The following AGBL4 variants were observed in gnomAD, a reference collection of about 807,000 sequenced individuals.
AGBL4 encodes the protein AGBL carboxypeptidase 4.
AGBL4 carries 58 observed loss-of-function variants against 66.4 expected under a neutral mutation model. That is an observed-to-expected ratio of 0.87 (90% CI 0.71 to 1.09). The LOEUF is 1.09. Among genes scored for constraint, AGBL4 ranks in the 50% least tolerant of loss-of-function variants. The pLI is 0.00. For missense variants in AGBL4, 579 were observed against 631.0 expected (o/e 0.92, Z 0.88); for synonymous variants, 234 against 222.9 (o/e 1.05, Z -0.44).
chr1:48,547,546 T>C (rs937967471), intron 11 of AGBL4, among the ~76,000 whole-genome samples: 4 of 152,032 alleles, frequency 2.6e-5, no homozygotes, highest in African/African-American at 9.7e-5. Flanking sequence ...TCGGAGCATG[T>C]TGGGTTTGAG....
chr1:49,065,700 A>G (rs922807520), intron 4 of AGBL4, among the ~76,000 whole-genome samples: 2 of 152,252 alleles, frequency 1.3e-5, no homozygotes, highest in Admixed American at 1.3e-4. Flanking sequence ...CACCAAAGAA[A>G]GTTGATCTAG....
chr1:48,673,152 C>T (rs756392218), intron 6 of AGBL4, among the ~76,000 whole-genome samples: 1 of 152,174 alleles, frequency 6.6e-6, no homozygotes, highest in Non-Finnish European at 1.5e-5. Context: ...TATGTGCAGG[C>T]ACCTGCACAC....
chr1:49,081,506 G>A (rs1644807849), intron 4 of AGBL4, among the ~76,000 whole-genome samples: 1 of 152,180 alleles, frequency 6.6e-6, no homozygotes, highest in African/African-American at 2.4e-5. Flanking sequence ...GAAATAGGAG[G>A]TAATGTCTGT....
At chr1:49,373,857 G>C (rs1349998853) in intron 3 of AGBL4, among the ~76,000 whole-genome samples, 1 of 152,030 alleles carries the variant, frequency 6.6e-6, no homozygotes, top group Non-Finnish European at 1.5e-5. Context: ...ACATTTTTAA[G>C]GGTAGCCTAT....
intron 1 of AGBL4, among the ~76,000 whole-genome samples, chr1:49,941,793 A>T (rs924725097): frequency 1.3e-5 from 2 of 152,094 alleles, no homozygotes; most frequent in Non-Finnish European, 2.9e-5. Flanking sequence ...AACAGAGAAA[A>T]ATTGAAAGCT....
chr1:49,406,478 T>C (rs1320107816), intron 3 of AGBL4, among the ~76,000 whole-genome samples: 1 of 152,116 alleles, frequency 6.6e-6, no homozygotes. Context: ...ACAAAGAAAA[T>C]TGGCAGCAAT....
At chr1:49,354,386 T>C (rs1011687031) in intron 3 of AGBL4, among the ~76,000 whole-genome samples, 5 of 152,252 alleles carry the variant, frequency 3.3e-5, no homozygotes, top group African/African-American at 9.6e-5. Flanking sequence ...TTTGGCTTCA[T>C]GTCATTATAC....
intron 6 of AGBL4, chr1:48,776,908 GCGCGAGTCTCGCTAC>G: frequency 2.3e-6 from 2 of 884,206 alleles, no homozygotes; most frequent in Non-Finnish European, 3.3e-6. Flanking sequence ...CCGGCGGGGG[GCGCGAGTCTCGCTAC>G]GGTGCTGGGG....
At chr1:48,622,817 T>A (rs746501633) in intron 9 of AGBL4, among the ~76,000 whole-genome samples, 1 of 152,148 alleles carries the variant, frequency 6.6e-6, no homozygotes, top group Non-Finnish European at 1.5e-5. Context: ...AATAGTTAAA[T>A]TTTTTTGAGA....
rs145386658 is a variant in AGBL4, at chr1:49,643,064, G to A, written c.282+54249C>T. On this transcript the variant is annotated intron_variant, in intron 3 of 13. Transcript: ENST00000371839. ...AACCAGTTAACTCTTCCTCATATGC[G>A]CAAGAAGCTAAAAAAAGGTTGTACA... Among the ~76,000 whole-genome samples the A allele has an allele frequency of 4.1e-4, 63 of 151,944 alleles. No homozygotes were observed. The East Asian group carries it at 5.8e-3, about 14-fold the overall frequency.
chr1:48,767,301 C>A (rs1644578430), intron 6 of AGBL4, among the ~76,000 whole-genome samples: 1 of 152,138 alleles, frequency 6.6e-6, no homozygotes, highest in Admixed American at 6.5e-5. Flanking sequence ...GTAAAAGCAC[C>A]AAGCACAGTG....
intron 3 of AGBL4, among the ~76,000 whole-genome samples, chr1:49,392,273 T>C (rs1004432803): frequency 2.0e-5 from 3 of 152,222 alleles, no homozygotes; most frequent in Admixed American, 2.0e-4. Flanking sequence ...ACAGGGAACA[T>C]TTCCATTACT....
intron 3 of AGBL4, among the ~76,000 whole-genome samples, chr1:49,389,415 G>T (rs1350154936): frequency 6.6e-6 from 1 of 152,096 alleles, no homozygotes; most frequent in African/African-American, 2.4e-5. Context: ...CCATAGTCCT[G>T]AAAACTAAGT....
chr1:49,521,913 G>A (rs1000670312), intron 3 of AGBL4, among the ~76,000 whole-genome samples: 1 of 151,908 alleles, frequency 6.6e-6, no homozygotes, highest in Non-Finnish European at 1.5e-5. Flanking sequence ...ACTATTAGAG[G>A]GGGGAATGAG....
At chr1:49,696,384 G>A (rs1022204578) in intron 3 of AGBL4, among the ~76,000 whole-genome samples, 1 of 152,006 alleles carries the variant, frequency 6.6e-6, no homozygotes, top group African/African-American at 2.4e-5. Flanking sequence ...AAATGTAGCT[G>A]AAGAAATTAT....
At chr1:49,938,344 G>C (rs1233896647) in intron 1 of AGBL4, among the ~76,000 whole-genome samples, 3 of 152,284 alleles carry the variant, frequency 2.0e-5, no homozygotes, top group African/African-American at 7.2e-5. Flanking sequence ...TGAAATTGTG[G>C]CAATAATCAA....
chr1:49,993,450 C>A (rs1433890963), intron 1 of AGBL4, among the ~76,000 whole-genome samples: 1 of 152,288 alleles, frequency 6.6e-6, no homozygotes, highest in Admixed American at 6.5e-5. Flanking sequence ...AGACAGTATA[C>A]CTATTCTCCT....
Position 49,107,694 on chromosome 1 carries a change from T to TGAGAGAGA in AGBL4, c.378-61902_378-61895dup, listed in dbSNP as rs56321932. Reference sequence around the variant, plus strand: ...GTGTATGTGTGTGTGTGTGTGTGTGTGAGAGAGAGAGAGAGAGAGAGAGAG... The same window carrying TGAGAGAGA: ...GTGTATGTGTGTGTGTGTGTGTGTGTGAGAGAGAGAGAGAGAGAGAGAGAGAGAGAGAG... On this transcript the variant is annotated intron_variant, in intron 4 of 13. Transcript: ENST00000371839. Among the ~76,000 whole-genome samples, 162 of 113,974 alleles carry TGAGAGAGA rather than the reference T, an allele frequency of 1.4e-3. 2 individuals are homozygous for TGAGAGAGA. The highest frequency in any genetic ancestry group is 5.9e-3 in the East Asian group (21 of 3,570). The allele number at this position is 113,974 out of a possible 152,430, so 74.8% of individuals were successfully genotyped here.
rs1648120169 is a variant in AGBL4, at chr1:49,501,227, G to A, written c.282+196086C>T. Among the ~76,000 whole-genome samples the A allele has an allele frequency of 1.3e-5, 2 of 152,120 alleles. 1 individual carries two copies. Among genetic ancestry groups the A allele is most frequent in the South Asian group, 4.1e-4 (2 of 4,836 alleles). On this transcript the variant is annotated intron_variant, in intron 3 of 13. Transcript: ENST00000371839. ...TAGCAGTGTTACTGATTTTGCAGCA[G>A]CAAACTCTTTCAATGAGTTCTTTCA...
Sources: gnomAD v4.1 joint callset for allele counts (sites outside exome capture counted in the v4.1 genomes callset) on GRCh38, gnomAD v4.1.1 for gene constraint, MANE v1.5 for transcripts, NCBI Gene and HGNC (gene_info 2026-07-23, HGNC 2026-07-21) for gene names.